Variants in HS3ST4 observed in about 807,000 individuals in gnomAD.
HS3ST4 encodes heparan sulfate glucosamine 3-O-sulfotransferase 4.
A neutral mutation model predicts 29.2 loss-of-function variants in HS3ST4; 17 were observed. That is an observed-to-expected ratio of 0.58 (90% confidence interval 0.40 to 0.87). The LOEUF is 0.87. HS3ST4 is among the 40% of genes least tolerant of loss of function. The probability of loss-of-function intolerance (pLI) is 0.00; values close to 1 mark genes in which losing one functional copy is unlikely to be tolerated. For missense variants in HS3ST4, 627 were observed against 634.5 expected, an observed-to-expected ratio of 0.99 and a Z score of 0.13; for synonymous variants, 314 against 285.7, an observed-to-expected ratio of 1.10 and a Z score of -1.00.
chr16:26,102,508 T>C (rs1159676763), intron 1 of HS3ST4, among the ~76,000 whole-genome samples: 1 of 152,178 alleles, frequency 6.6e-6, no homozygotes, highest in Non-Finnish European at 1.5e-5. Context: ...TACTCTCTCA[T>C]GTGTCACACA....
chr16:25,886,503 T>C (rs962742091), intron 1 of HS3ST4, among the ~76,000 whole-genome samples: 4 of 152,188 alleles, frequency 2.6e-5, no homozygotes, highest in Admixed American at 6.5e-5. Context: ...CAGTCCTGGC[T>C]TGATCATCTG....
chr16:25,836,312 G>A (rs9933771), intron 1 of HS3ST4, among the ~76,000 whole-genome samples: 2,154 of 152,220 alleles, frequency 0.014, 51 homozygotes, highest in African/African-American at 0.048. Flanking sequence ...AGTCTGTGTC[G>A]TAGACATGTA....
intron 1 of HS3ST4, among the ~76,000 whole-genome samples, chr16:26,125,936 G>A (rs1357955033): frequency 6.6e-6 from 1 of 152,222 alleles, no homozygotes; most frequent in Admixed American, 6.5e-5. Flanking sequence ...TGGATACTCA[G>A]TGTATTTTGC....
chr16:26,113,956 A>T (rs553360128), intron 1 of HS3ST4, among the ~76,000 whole-genome samples: 1 of 152,156 alleles, frequency 6.6e-6, no homozygotes, highest in Non-Finnish European at 1.5e-5. Context: ...ATATGTAGGT[A>T]TATATGTATG....
chr16:26,135,880 A>G lies in HS3ST4; in HGVS notation c.1003A>G (p.Ile335Val), dbSNP rs769187123. Residue 335 changes from isoleucine to valine, a missense_variant, in exon 2 of 2, where the codon ATC (isoleucine) becomes GTC (valine). Physicochemically the swap from Ile to Val is conservative, Grantham distance 29. Transcript: ENST00000331351. ...DASWSAIRIG[I>V]YALHLENWLQ... The stretch of plus-strand genomic sequence containing the variant: ...TTCCTGGAGTGCCATTCGAATAGGG[A>G]TCTATGCGCTGCATCTGGAAAACTG... 3 of 1,613,872 alleles carry G rather than the reference A, an allele frequency of 1.9e-6. No homozygotes were observed. Among genetic ancestry groups the G allele is most frequent in the Non-Finnish European group, 2.5e-6 (3 of 1,179,850 alleles).
chr16:25,704,076 C>T (rs117788938), intron 1 of HS3ST4, among the ~76,000 whole-genome samples: 6,643 of 152,196 alleles, frequency 0.044, 182 homozygotes, highest in Non-Finnish European at 0.06. Context: ...AGTAGATGCT[C>T]AATGCATGGT....
chr16:25,889,700 T>G (rs12446835), intron 1 of HS3ST4, among the ~76,000 whole-genome samples: 45,454 of 152,014 alleles, frequency 0.3, 7,297 homozygotes, highest in Non-Finnish European at 0.34. Flanking sequence ...TGGCTTTTAT[T>G]GTGTGCTACA....
At chr16:25,974,366 T>G (rs1461665573) in intron 1 of HS3ST4, among the ~76,000 whole-genome samples, 2 of 152,164 alleles carry the variant, frequency 1.3e-5, no homozygotes, top group Non-Finnish European at 2.9e-5. Flanking sequence ...GACATGGAGG[T>G]GCTAAGCCGC....
At chr16:26,096,991 A>G (rs148240909) in intron 1 of HS3ST4, among the ~76,000 whole-genome samples, 21,174 of 152,208 alleles carry the variant, frequency 0.14, 1,593 homozygotes, top group Non-Finnish European at 0.17. Flanking sequence ...CAATTGCTAC[A>G]AAGAGAATAA....
At chr16:25,826,591 A>C (rs1397951266) in intron 1 of HS3ST4, among the ~76,000 whole-genome samples, 1 of 152,194 alleles carries the variant, frequency 6.6e-6, no homozygotes, top group Non-Finnish European at 1.5e-5. Flanking sequence ...ACCATGGACC[A>C]AATGCACCTA....
At chr16:26,074,222 T>G (rs1015250975) in intron 1 of HS3ST4, among the ~76,000 whole-genome samples, 1 of 152,224 alleles carries the variant, frequency 6.6e-6, no homozygotes, top group African/African-American at 2.4e-5. Flanking sequence ...TTCCCTTTTA[T>G]CTTCCAAAAT....
At chr16:26,054,591 G>A (rs1898385573) in intron 1 of HS3ST4, among the ~76,000 whole-genome samples, 1 of 152,168 alleles carries the variant, frequency 6.6e-6, no homozygotes, top group South Asian at 2.1e-4. Context: ...AAGAGGAATG[G>A]CTATCTTCAG....
intron 1 of HS3ST4, among the ~76,000 whole-genome samples, chr16:25,851,322 C>A (rs879540867): frequency 2.0e-5 from 3 of 152,192 alleles, no homozygotes; most frequent in Non-Finnish European, 4.4e-5. Flanking sequence ...TTGCAAGTGG[C>A]TGTCATCACT....
chr16:25,927,612 T>C (rs1416826073), intron 1 of HS3ST4, among the ~76,000 whole-genome samples: 1 of 151,294 alleles, frequency 6.6e-6, no homozygotes, highest in Non-Finnish European at 1.5e-5. Context: ...CAATAAGGAG[T>C]GGTGAGGAGC....
intron 1 of HS3ST4, among the ~76,000 whole-genome samples, chr16:26,063,515 G>GAAA (rs779275463): frequency 7.9e-6 from 1 of 125,848 alleles, no homozygotes. Context: ...TGTCTCTACT[G>GAAA]AAAAAAAAAA....
intron 1 of HS3ST4, among the ~76,000 whole-genome samples, chr16:25,897,956 TG>T (rs1255171600): frequency 2.0e-5 from 3 of 152,192 alleles, no homozygotes; most frequent in African/African-American, 7.2e-5. Flanking sequence ...AGAATGTGCT[TG>T]GGGATTTTTA....
chr16:25,835,277 A>T (rs1335424322), intron 1 of HS3ST4, among the ~76,000 whole-genome samples: 3 of 152,200 alleles, frequency 2.0e-5, no homozygotes, highest in Admixed American at 2.0e-4. Context: ...CTACTTGCTA[A>T]ACATCCCCTG....
intron 1 of HS3ST4, among the ~76,000 whole-genome samples, chr16:25,828,301 C>CTCTCTTTCCCTCT (rs1555467593): frequency 6.1e-5 from 2 of 32,882 alleles, no homozygotes; most frequent in Admixed American, 3.7e-4. Flanking sequence ...TCTTTCTTTC[C>CTCTCTTTCCCTCT]CTCTCTCTCT....
intron 1 of HS3ST4, among the ~76,000 whole-genome samples, chr16:25,858,179 A>G (rs1287716221): frequency 6.6e-6 from 1 of 151,342 alleles, no homozygotes; most frequent in Non-Finnish European, 1.5e-5. Flanking sequence ...TTTATAATCA[A>G]TGCTTACAGG....
Sources: allele counts gnomAD v4.1 joint callset (sites outside exome capture counted in the v4.1 genomes callset), GRCh38; gene constraint gnomAD v4.1.1; transcripts MANE v1.5; gene names NCBI Gene and HGNC (gene_info 2026-07-23, HGNC 2026-07-21).